The following MTPN variants were observed in gnomAD, a reference collection of about 807,000 sequenced individuals.
MTPN encodes the protein granule cell differentiation protein.
A neutral mutation model predicts 13.5 loss-of-function variants in MTPN; 2 were observed. The observed-to-expected ratio is 0.15, with a 90% CI of 0.06 to 0.47. The LOEUF (loss-of-function observed/expected upper bound fraction) is 0.47, where lower values mean the gene tolerates loss of function less well. MTPN is among the 20% of genes least tolerant of loss of function. The pLI, the probability that MTPN is intolerant of heterozygous loss-of-function variation, is 0.97. For synonymous variants in MTPN, 46 were observed against 51.7 expected (o/e 0.89, Z 0.48); for missense variants, 79 against 137.9 (o/e 0.57, Z 2.14).
intron 1 of MTPN, among the ~76,000 whole-genome samples, chr7:135,973,727 T>C (rs991024461): frequency 1.3e-5 from 2 of 152,228 alleles, no homozygotes; most frequent in Non-Finnish European, 2.9e-5. Context: ...CAACTGAATT[T>C]TATGAAAATG....
chr7:135,977,083 G>A lies in MTPN; in HGVS notation c.18C>T (p.Phe6=), dbSNP rs761645694. Residue 6 remains phenylalanine, a synonymous_variant, in exon 1 of 4, where the codon TTC becomes TTT. Coordinates refer to ENST00000393085, the MANE Select transcript of MTPN (RefSeq NM_145808.4). MCDKE[F]MWALKNGDLD... The stretch of plus-strand genomic sequence containing the variant: ...AGTCTCCGTTTTTCAGGGCCCACAT[G>A]AACTCCTTGTCGCACATCACTGCAG... 6.2e-7 allele frequency: 1 copy of A among 1,614,162 alleles called. No homozygotes were observed. Among genetic ancestry groups the A allele is most frequent in the South Asian group, 1.1e-5 (1 of 91,082 alleles).
intron 3 of MTPN, among the ~76,000 whole-genome samples, chr7:135,937,151 T>G (rs186918360): frequency 4.0e-4 from 61 of 152,284 alleles, no homozygotes; most frequent in African/African-American, 1.3e-3. Flanking sequence ...ATTAGTAACA[T>G]TTTAAGGATG....
rs1293937677 is a variant in MTPN, at chr7:135,928,938, G to T, written c.*988C>A. ...CCCAGTGATAGCTTTGGTGCAGTAAGTAATCAGCCTCCAAGATGGGTCTGA... is the reference window on the plus strand; with the variant it reads ...CCCAGTGATAGCTTTGGTGCAGTAATTAATCAGCCTCCAAGATGGGTCTGA... On this transcript the variant is annotated 3_prime_UTR_variant, in exon 4 of 4. Coordinates refer to ENST00000393085, the MANE Select transcript of MTPN (RefSeq NM_145808.4). 1 of 167,072 alleles carries T rather than the reference G, an allele frequency of 6.0e-6. No individual in the cohort carries two copies. The highest frequency in any genetic ancestry group is 1.5e-5 in the Non-Finnish European group (1 of 68,112). The allele number at this position is 167,072 out of a possible 1,614,324, so 10.3% of individuals were successfully genotyped here. A position where few individuals can be genotyped will look rare whatever the true frequency, so the allele number is the denominator to read the frequency against.
intron 1 of MTPN, among the ~76,000 whole-genome samples, chr7:135,953,603 G>A (rs895002682): frequency 6.6e-6 from 1 of 152,054 alleles, no homozygotes; most frequent in African/African-American, 2.4e-5. Flanking sequence ...GTATGTAATA[G>A]GTATACTCAA....
intron 1 of MTPN, among the ~76,000 whole-genome samples, chr7:135,972,763 A>C (rs898633087): frequency 1.3e-5 from 2 of 152,008 alleles, no homozygotes; most frequent in East Asian, 3.9e-4. Flanking sequence ...CTGCCCTTAA[A>C]ATATTAATAC....
At chr7:135,947,017 C>A (rs1584810702) in intron 3 of MTPN, among the ~76,000 whole-genome samples, 2 of 152,168 alleles carry the variant, frequency 1.3e-5, no homozygotes, top group South Asian at 4.1e-4. Context: ...CCATGTTTCT[C>A]AGGTACTCTG....
intron 2 of MTPN, 41 bp from the exon 3 acceptor site, chr7:135,950,723 T>C: frequency 6.8e-7 from 1 of 1,468,560 alleles, no homozygotes; most frequent in Non-Finnish European, 9.4e-7. Context: ...CTGTTTTTCA[T>C]TTCTTCCTAC....
intron 1 of MTPN, among the ~76,000 whole-genome samples, chr7:135,963,211 A>ACTG (rs1799551406): frequency 6.6e-6 from 1 of 152,010 alleles, no homozygotes; most frequent in Non-Finnish European, 1.5e-5. Flanking sequence ...ATTCCTTAAG[A>ACTG]CTGCAGTGTT....
intron 1 of MTPN, among the ~76,000 whole-genome samples, chr7:135,965,509 A>C (rs951744340): frequency 6.6e-6 from 1 of 152,154 alleles, no homozygotes; most frequent in African/African-American, 2.4e-5. Flanking sequence ...ATGTGGCATT[A>C]AGTATAGGTT....
At chr7:135,952,365 C>T (rs1799375254) in intron 1 of MTPN, among the ~76,000 whole-genome samples, 1 of 152,144 alleles carries the variant, frequency 6.6e-6, no homozygotes, top group African/African-American at 2.4e-5. Flanking sequence ...CATTTTCATT[C>T]ACTGAAGATT....
At chr7:135,960,356 T>A (rs1584816542) in intron 1 of MTPN, among the ~76,000 whole-genome samples, 4 of 152,180 alleles carry the variant, frequency 2.6e-5, no homozygotes, top group Admixed American at 6.5e-5. Context: ...CATGTTTTTT[T>A]AAACAATGTA....
At chr7:135,940,232 T>C (rs370043275) in intron 3 of MTPN, among the ~76,000 whole-genome samples, 13 of 152,296 alleles carry the variant, frequency 8.5e-5, no homozygotes, top group African/African-American at 3.1e-4. Flanking sequence ...CTTAAACATA[T>C]GATTCAATTT....
At chr7:135,967,485 A>C (rs990150942) in intron 1 of MTPN, among the ~76,000 whole-genome samples, 2 of 152,158 alleles carry the variant, frequency 1.3e-5, no homozygotes, top group Admixed American at 6.6e-5. Flanking sequence ...CCAACCAACC[A>C]ACCCTCATCC....
At chr7:135,969,161 C>T (rs561456065) in intron 1 of MTPN, among the ~76,000 whole-genome samples, 3 of 139,382 alleles carry the variant, frequency 2.2e-5, no homozygotes, top group East Asian at 4.1e-4. Flanking sequence ...GTGGGTGCAG[C>T]GCACCAGCAT....
At chr7:135,935,994 T>A (rs192996935) in intron 3 of MTPN, among the ~76,000 whole-genome samples, 1 of 152,140 alleles carries the variant, frequency 6.6e-6, no homozygotes, top group Non-Finnish European at 1.5e-5. Flanking sequence ...AAGACCACAA[T>A]TGCCCTCTTC....
Position 135,929,587 on chromosome 7 carries a change from C to T in MTPN, c.*339G>A, listed in dbSNP as rs1208947749. On this transcript the variant is annotated 3_prime_UTR_variant, in exon 4 of 4. Coordinates refer to ENST00000393085, the MANE Select transcript of MTPN (RefSeq NM_145808.4). ...GGCCTTTGTAGAATCAGACCTTCAA[C>T]ACAATCTAATAAATTAGCTAGGGAG... The T allele has an allele frequency of 4.0e-6, 1 of 252,494 alleles. No individual in the cohort carries two copies. Among genetic ancestry groups the T allele is most frequent in the East Asian group, 9.2e-5 (1 of 10,926 alleles). The allele number at this position is 252,494 out of a possible 1,614,324, so 15.6% of individuals were successfully genotyped here. A position where few individuals can be genotyped will look rare whatever the true frequency, so the allele number is the denominator to read the frequency against.
chr7:135,949,880 A>C (rs887478637), intron 3 of MTPN, among the ~76,000 whole-genome samples: 29 of 152,234 alleles, frequency 1.9e-4, no homozygotes, highest in African/African-American at 6.8e-4. Flanking sequence ...ATGAAATATT[A>C]TAAACAACAC....
At chr7:135,968,382 TTTC>T (rs767078973) in intron 1 of MTPN, among the ~76,000 whole-genome samples, 8 of 152,092 alleles carry the variant, frequency 5.3e-5, no homozygotes, top group Non-Finnish European at 4.4e-5. Flanking sequence ...TACATTTTGG[TTTC>T]TTTTCTTTCA....
At chr7:135,974,486 G>A (rs963348912) in intron 1 of MTPN, among the ~76,000 whole-genome samples, 1 of 152,074 alleles carries the variant, frequency 6.6e-6, no homozygotes, top group African/African-American at 2.4e-5. Context: ...TCTAGCCTGG[G>A]CGACAAAGCA....
Sources: allele counts gnomAD v4.1 joint callset (sites outside exome capture counted in the v4.1 genomes callset), GRCh38; gene constraint gnomAD v4.1.1; transcripts MANE v1.5; gene names NCBI Gene and HGNC (gene_info 2026-07-23, HGNC 2026-07-21).